VPS13B: variants seen among roughly 807,000 people sequenced by gnomAD.
VPS13B encodes the protein intermembrane lipid transfer protein VPS13B.
A neutral mutation model predicts 426.4 loss-of-function variants in VPS13B; 285 were observed. That is an observed-to-expected ratio of 0.67 (90% CI 0.61 to 0.74). The LOEUF (loss-of-function observed/expected upper bound fraction) is 0.74, where lower values mean the gene tolerates loss of function less well. VPS13B is among the 30% of genes least tolerant of loss of function. The pLI is 0.00. For synonymous variants in VPS13B, 1,676 were observed against 1,676.4 expected, an observed-to-expected ratio of 1.00 and a Z score of 0.01; for missense variants, 4,537 against 4,782.6, an observed-to-expected ratio of 0.95 and a Z score of 1.51.
chr8:99,124,336 G>A (rs895236980), intron 8 of VPS13B, among the ~76,000 whole-genome samples: 32 of 152,142 alleles, frequency 2.1e-4, no homozygotes, highest in Admixed American at 1.2e-3. Flanking sequence ...AAAATAGTGC[G>A]TCTGCTGTGG....
chr8:99,234,041 G>T, intron 17 of VPS13B: 1 of 776,774 alleles, frequency 1.3e-6, no homozygotes, highest in Non-Finnish European at 2.4e-6. Context: ...AACAAACTGG[G>T]TTGGATCCGC....
In VPS13B at chr8:99,115,696, G is replaced by T; in HGVS notation, c.763-4G>T. 1 of 1,611,612 alleles carries T rather than the reference G, an allele frequency of 6.2e-7. No individual in the cohort carries two copies. The highest frequency in any genetic ancestry group is 1.1e-5 in the South Asian group (1 of 90,578). On this transcript the variant is annotated splice_region_variant and splice_polypyrimidine_tract_variant and intron_variant, in intron 6 of 61. Transcript: ENST00000357162. ...GTTGGTGTTATGTCTTTTTCAAAATGCAGATTCATACTTTAGTGGAAAGTT... is the reference window on the plus strand; with the variant it reads ...GTTGGTGTTATGTCTTTTTCAAAATTCAGATTCATACTTTAGTGGAAAGTT...
At chr8:99,859,629 A>G in intron 57 of VPS13B, 149 bp downstream of exon 57, 1 of 1,037,854 alleles carries the variant, frequency 9.6e-7, no homozygotes, top group Non-Finnish European at 1.4e-6. Context: ...TTTGTAACAA[A>G]GCTCATATAT....
At chr8:99,053,301 C>G (rs1002391589) in intron 3 of VPS13B, among the ~76,000 whole-genome samples, 1 of 152,062 alleles carries the variant, frequency 6.6e-6, no homozygotes, top group Admixed American at 6.5e-5. Flanking sequence ...TCCCCGCACC[C>G]CACAACAGTC....
intron 23 of VPS13B, among the ~76,000 whole-genome samples, chr8:99,455,876 A>T (rs1205719657): frequency 6.6e-6 from 1 of 152,140 alleles, no homozygotes; most frequent in Non-Finnish European, 1.5e-5. Flanking sequence ...GTTGATATGT[A>T]CTTCTACTTT....
chr8:99,767,128 A>G (rs1811264645), intron 40 of VPS13B, among the ~76,000 whole-genome samples, 158 bp downstream of exon 40: 1 of 152,136 alleles, frequency 6.6e-6, no homozygotes. Flanking sequence ...ACAAAATCTG[A>G]TGTTTCAAAG....
At chr8:99,267,809 A>G (rs1016783045) in intron 17 of VPS13B, among the ~76,000 whole-genome samples, 1 of 152,158 alleles carries the variant, frequency 6.6e-6, no homozygotes, top group East Asian at 1.9e-4. Context: ...ATAAGTAATG[A>G]GGAGCAGAAT....
chr8:99,133,840 C>T (rs940069135), intron 8 of VPS13B, among the ~76,000 whole-genome samples: 3 of 152,098 alleles, frequency 2.0e-5, no homozygotes, highest in Non-Finnish European at 4.4e-5. Flanking sequence ...TAACTGATTA[C>T]AGATCACCAT....
At chr8:99,064,385 A>G (rs1458082427) in intron 3 of VPS13B, among the ~76,000 whole-genome samples, 1 of 152,206 alleles carries the variant, frequency 6.6e-6, no homozygotes, top group Non-Finnish European at 1.5e-5. Flanking sequence ...ATGGCTAACT[A>G]GAATAAACAG....
At chr8:99,163,662 C>T (rs983168043) in intron 15 of VPS13B, among the ~76,000 whole-genome samples, 1 of 152,218 alleles carries the variant, frequency 6.6e-6, no homozygotes, top group African/African-American at 2.4e-5. Context: ...CCTCATTGCC[C>T]GGGGCCAGCA....
intron 39 of VPS13B, among the ~76,000 whole-genome samples, chr8:99,726,465 CA>C (rs1473250793): frequency 6.6e-6 from 1 of 152,160 alleles, no homozygotes; most frequent in Non-Finnish European, 1.5e-5. Context: ...TTTGGAAATG[CA>C]TATGTTCCCA....
intron 4 of VPS13B, among the ~76,000 whole-genome samples, chr8:99,098,946 T>C (rs1846583795): frequency 6.6e-6 from 1 of 152,150 alleles, no homozygotes; most frequent in Non-Finnish European, 1.5e-5. Flanking sequence ...AGTTTCTATA[T>C]AAAAAGTACT....
chr8:99,288,467 C>G (rs1371409740), intron 19 of VPS13B, among the ~76,000 whole-genome samples: 1 of 151,888 alleles, frequency 6.6e-6, no homozygotes, highest in Non-Finnish European at 1.5e-5. Context: ...ACACTTAATT[C>G]TTATATAACC....
intron 36 of VPS13B, among the ~76,000 whole-genome samples, chr8:99,708,849 C>CATATA (rs1832598270): frequency 6.8e-6 from 1 of 147,224 alleles, no homozygotes; most frequent in East Asian, 2.0e-4. Context: ...CTCTCTCTCT[C>CATATA]TATATATATA....
intron 33 of VPS13B, among the ~76,000 whole-genome samples, chr8:99,584,716 T>G (rs927087029): frequency 1.3e-5 from 2 of 152,166 alleles, no homozygotes; most frequent in African/African-American, 4.8e-5. Flanking sequence ...TTAGGCCAGG[T>G]GATCAATGAT....
At chr8:99,112,552 C>G (rs1285486244) in intron 6 of VPS13B, among the ~76,000 whole-genome samples, 1 of 151,960 alleles carries the variant, frequency 6.6e-6, no homozygotes, top group Non-Finnish European at 1.5e-5. Flanking sequence ...CTTTTTCCTT[C>G]TATATTTGAA....
At chr8:99,509,625 TG>T (rs1375151348) in intron 28 of VPS13B, among the ~76,000 whole-genome samples, 1 of 152,130 alleles carries the variant, frequency 6.6e-6, no homozygotes, top group East Asian at 1.9e-4. Flanking sequence ...GACTCATTAC[TG>T]CTTTCCTATT....
rs1187355833 is a variant in VPS13B, at chr8:99,360,206, CTCTCTTTCTTTCTT to C, written c.2825-23998_2825-23985del. On this transcript the variant is annotated intron_variant, in intron 19 of 61. Transcript: ENST00000357162. ...TCTTTCTTTCTCTCTCTCTCTCTCT[CTCTCTTTCTTTCTT>C]TCTTTCTTTCTTTCTCTCTCTCCTT... is the stretch of plus-strand genomic sequence containing the variant. Among the ~76,000 whole-genome samples the C allele has an allele frequency of 3.4e-4, 12 of 34,962 alleles. 1 individual carries two copies. Among genetic ancestry groups the C allele is most frequent in the South Asian group, 1.5e-3 (1 of 684 alleles). The allele number at this position is 34,962 out of a possible 152,430, so 22.9% of individuals were successfully genotyped here.
intron 2 of VPS13B, among the ~76,000 whole-genome samples, chr8:99,035,283 T>G (rs1415196287): frequency 2.0e-5 from 3 of 152,188 alleles, no homozygotes; most frequent in Non-Finnish European, 4.4e-5. Context: ...CTTTTTTGTC[T>G]TGTAAAACTG....
Sources: gnomAD v4.1 joint callset for allele counts (sites outside exome capture counted in the v4.1 genomes callset) on GRCh38, gnomAD v4.1.1 for gene constraint, MANE v1.5 for transcripts, NCBI Gene and HGNC (gene_info 2026-07-23, HGNC 2026-07-21) for gene names.